CXCL9: variants seen among roughly 807,000 people sequenced by gnomAD.
CXCL9 encodes C-X-C motif chemokine ligand 9, also known as C-X-C motif chemokine 9.
In CXCL9, 8 loss-of-function variants were observed where a neutral mutation model predicts 11.7. The observed-to-expected ratio is 0.68, with a 90% confidence interval of 0.40 to 1.23. CXCL9 has a LOEUF of 1.23. CXCL9 is among the 50% of genes most tolerant of loss of function. The pLI, the probability that CXCL9 is intolerant of heterozygous loss-of-function variation, is 0.01. For missense variants in CXCL9, 133 were observed against 141.7 expected (o/e 0.94, Z 0.31); for synonymous variants, 43 against 48.2 (o/e 0.89, Z 0.45).
chr4:76,002,590 C>T lies in CXCL9; in HGVS notation c.*1008G>A, dbSNP rs1469373982. The T allele has an allele frequency of 2.7e-6, 1 of 376,886 alleles. No individual in the cohort carries two copies. The highest frequency in any genetic ancestry group is 4.7e-6 in the Non-Finnish European group (1 of 213,050). The allele number at this position is 376,886 out of a possible 1,614,324, so 23.3% of individuals were successfully genotyped here. On this transcript the variant is annotated 3_prime_UTR_variant, in exon 4 of 4. Coordinates refer to ENST00000264888, the MANE Select transcript of CXCL9 (RefSeq NM_002416.3). ...GTATTATTAGGCACTGTGGAAGAAACAGGGAAATATACTGTGGCTCTTGCC... is the reference window on the plus strand; with the variant it reads ...GTATTATTAGGCACTGTGGAAGAAATAGGGAAATATACTGTGGCTCTTGCC...
intron 2 of CXCL9, 100 bp from the exon 3 acceptor site, chr4:76,004,993 T>C (rs1731557775): frequency 2.2e-6 from 3 of 1,343,808 alleles, no homozygotes; most frequent in Non-Finnish European, 2.9e-6. Context: ...CTGAATTTTC[T>C]AATGAAACTA....
chr4:76,007,330 A>G, intron 1 of CXCL9, 56 bp downstream of exon 1: 1 of 959,244 alleles, frequency 1.0e-6, no homozygotes, highest in Non-Finnish European at 1.7e-6. Context: ...GCTAATCAAG[A>G]TTCTTTTACA....
chr4:76,003,853 C>T (rs1456449338), intron 3 of CXCL9, among the ~76,000 whole-genome samples, 154 bp from the exon 4 acceptor site: 1 of 152,192 alleles, frequency 6.6e-6, no homozygotes, highest in Non-Finnish European at 1.5e-5. Flanking sequence ...TAGATTCTCT[C>T]TACTTTGCTC....
In CXCL9 at chr4:76,006,442, A is replaced by G. The variant is rs566399735; in HGVS notation, c.65-168T>C. The stretch of plus-strand genomic sequence containing the variant: ...AGGAGGTATCATCTCTATTTTATAC[A>G]TAAGGAAACTAAGGTTCAGAAAGAT... On this transcript the variant is annotated intron_variant, in intron 1 of 3. Coordinates refer to ENST00000264888, the MANE Select transcript of CXCL9 (RefSeq NM_002416.3). Among the ~76,000 whole-genome samples, 7 of 152,354 alleles carry G rather than the reference A, an allele frequency of 4.6e-5. No homozygotes were observed. In the East Asian group the frequency reaches 1.3e-3, roughly 29 times the overall value.
At chr4:76,004,738 A>T in intron 3 of CXCL9, 71 bp downstream of exon 3, 3 of 1,529,224 alleles carry the variant, frequency 2.0e-6, no homozygotes, top group Non-Finnish European at 2.6e-6. Context: ...GTGTTAATGA[A>T]AAAGCAGATT....
intron 1 of CXCL9, 67 bp from the exon 2 acceptor site, chr4:76,006,341 A>G: frequency 1.4e-6 from 2 of 1,476,200 alleles, no homozygotes; most frequent in Non-Finnish European, 1.9e-6. Flanking sequence ...GATCTATCAA[A>G]ATGATACACT....
At chr4:76,007,232 C>G (rs903351110) in intron 1 of CXCL9, among the ~76,000 whole-genome samples, 154 bp downstream of exon 1, 2 of 152,188 alleles carry the variant, frequency 1.3e-5, no homozygotes, top group Admixed American at 6.5e-5. Context: ...AAGTTATGAA[C>G]TTTGGATAAC....
chr4:76,007,255 T>C, intron 1 of CXCL9, 131 bp downstream of exon 1: 1 of 710,372 alleles, frequency 1.4e-6, no homozygotes. Flanking sequence ...GTCATGTCAC[T>C]GAGAAGCTTT....
intron 1 of CXCL9, 30 bp downstream of exon 1, chr4:76,007,356 T>G: frequency 8.0e-7 from 1 of 1,257,834 alleles, no homozygotes; most frequent in Non-Finnish European, 1.2e-6. Context: ...TCACTTCTCT[T>G]ACTTTACAAC....
At chr4:76,005,890 G>A (rs776847770) in intron 2 of CXCL9, 16 of 314,828 alleles carry the variant, frequency 5.1e-5, no homozygotes, top group African/African-American at 1.9e-4. Context: ...AATTATGCGT[G>A]ATTTTTATTT....
At chr4:76,004,376 A>C (rs542071501) in intron 3 of CXCL9, among the ~76,000 whole-genome samples, 1 of 151,934 alleles carries the variant, frequency 6.6e-6, no homozygotes. Context: ...CTTCCTTAAC[A>C]CTTTCTCCTG....
chr4:76,005,908 T>C (rs1378360074), intron 2 of CXCL9: 9 of 350,354 alleles, frequency 2.6e-5, no homozygotes, highest in Non-Finnish European at 4.9e-5. Context: ...TTTTCTTCTA[T>C]TGTGTTACCT....
chr4:76,004,868 T>C lies in CXCL9; in HGVS notation c.217A>G (p.Thr73Ala), dbSNP rs1205018105. The C allele has an allele frequency of 4.4e-6, 7 of 1,608,066 alleles. No individual in the cohort carries two copies. The highest frequency in any genetic ancestry group is 5.1e-6 in the Non-Finnish European group (6 of 1,177,920). Residue 73 changes from threonine (T) to alanine (A), a missense_variant, in exon 3 of 4, where the codon ACA becomes GCA. Transcript: ENST00000264888. The stretch of plus-strand genomic sequence containing the variant: ...TCTGCTGAATCTGGGTTTAGACATG[T>C]TTGAACTCCATTCTTCAGTGTAGCA... ...IIATLKNGVQ[T>A]CLNPDSADVK...
chr4:76,006,268 G>A lies in CXCL9; in HGVS notation c.71C>T (p.Pro24Leu). 6.2e-7 allele frequency: 1 copy of A among 1,613,348 alleles called. No individual in the cohort carries two copies. Among genetic ancestry groups the A allele is most frequent in the East Asian group, 2.2e-5 (1 of 44,870 alleles). Residue 24 changes from proline to leucine, a missense_variant, in exon 2 of 4, where the codon CCA (proline) becomes CTA (leucine). Transcript: ENST00000264888. ...LLVLIGVQGTPVVRKGRCSCI... is the reference protein window; with the variant it reads ...LLVLIGVQGTLVVRKGRCSCI... The stretch of plus-strand genomic sequence containing the variant: ...GGAACAGCGACCCTTTCTCACTACT[G>A]GGGTTCCTGAGGGAAAGAAAAAGAT...
intron 2 of CXCL9, 98 bp downstream of exon 2, chr4:76,006,049 TA>T (rs1731579783): frequency 1.8e-6 from 2 of 1,082,984 alleles, no homozygotes; most frequent in Non-Finnish European, 2.7e-6. Context: ...ATCTGATTTT[TA>T]AGTGTTTGTA....
At position 76,004,839 on chromosome 4, in the gene CXCL9, C is replaced by G. The variant is rs1731553836; in HGVS notation, c.246G>C (p.Val82=). Residue 82 remains valine, a synonymous_variant, in exon 3 of 4, where the codon GTG becomes GTC. Coordinates refer to ENST00000264888, the MANE Select transcript of CXCL9 (RefSeq NM_002416.3). ...QTCLNPDSAD[V]KELIKKWEKQ... is the part of the protein sequence containing the mutation. ...TCTCCCACTTTTTAATCAGTTCCTT[C>G]ACATCTGCTGAATCTGGGTTTAGAC... 1.9e-6 allele frequency: 3 copies of G among 1,609,094 alleles called. No homozygotes were observed. In the African/African-American group the frequency reaches 4.0e-5, roughly 22 times the overall value.
chr4:76,003,636 G>T lies in CXCL9; in HGVS notation c.340C>A (p.Arg114=). The change falls in exon 4 of 4, where the codon CGA becomes AGA. Residue 114 remains arginine (R), a synonymous_variant. Coordinates refer to ENST00000264888, the MANE Select transcript of CXCL9 (RefSeq NM_002416.3). Reference sequence around the variant, plus strand: ...TTTTGACGAGAACGTTGAGATTTTCGAACTTTCAGAACTTTCTTTTTTTGA... The same window carrying T: ...TTTTGACGAGAACGTTGAGATTTTCTAACTTTCAGAACTTTCTTTTTTTGA... The part of the protein sequence containing the change: ...KHQKKKVLKV[R]KSQRSRQKKT... 1 of 1,611,718 alleles carries T rather than the reference G, an allele frequency of 6.2e-7. No homozygotes were observed. Among genetic ancestry groups the T allele is most frequent in the Non-Finnish European group, 8.5e-7 (1 of 1,178,524 alleles).
Position 76,006,187 on chromosome 4 carries a change from T to G in CXCL9, c.152A>C (p.Gln51Pro). 1 of 1,613,870 alleles carries G rather than the reference T, an allele frequency of 6.2e-7. No individual in the cohort carries two copies. Among genetic ancestry groups the G allele is most frequent in the Admixed American group, 1.7e-5 (1 of 60,014 alleles). The change falls in exon 2 of 4, where the codon CAA (glutamine) becomes CCA (proline). Residue 51 changes from glutamine (Q) to proline (P), a missense_variant. Physicochemically the swap from Gln to Pro is moderately conservative, Grantham distance 76. Transcript: ENST00000264888. ...CTCGCAGGAAGGGCTTGGGGCAAAT[T>G]GTTTAAGGTCTTTCAAGGATTGTAG... ...IHLQSLKDLKQFAPSPSCEKI... is the reference protein window; with the variant it reads ...IHLQSLKDLKPFAPSPSCEKI...
rs780630877 is a variant in CXCL9 at position 76,006,251 on chromosome 4, G to A, written c.88C>T (p.Arg30Cys). The change falls in exon 2 of 4, where the codon CGC (arginine) becomes TGC (cysteine). Residue 30 changes from arginine (R) to cysteine (C), a missense_variant. Transcript: ENST00000264888. ...VQGTPVVRKG[R>C]CSCISTNQGT... ...TGGTTGGTGCTGATGCAGGAACAGC[G>A]ACCCTTTCTCACTACTGGGGTTCCT... The A allele has an allele frequency of 9.9e-6, 16 of 1,613,654 alleles. No individual in the cohort carries two copies. The South Asian group carries it at 1.1e-4, about 11-fold the overall frequency.
Sources: allele counts gnomAD v4.1 joint callset (sites outside exome capture counted in the v4.1 genomes callset), GRCh38; gene constraint gnomAD v4.1.1; transcripts MANE v1.5; gene names NCBI Gene and HGNC (gene_info 2026-07-23, HGNC 2026-07-21).